ANO2: variants seen among roughly 807,000 people sequenced by gnomAD.
The protein encoded by ANO2 is anoctamin 2, also known as anoctamin-2.
Under a neutral mutation model 124.2 loss-of-function variants are expected in ANO2, and 101 were observed. The observed-to-expected ratio is 0.81, with a 90% CI of 0.69 to 0.96. ANO2 has a LOEUF of 0.96. Among genes scored for constraint, ANO2 ranks in the 40% least tolerant of loss-of-function variants. ANO2 has a pLI of 0.00. For missense variants in ANO2, 1,293 were observed against 1,274.5 expected (o/e 1.01, Z -0.22); for synonymous variants, 486 against 482.5 (o/e 1.01, Z -0.09).
intron 4 of ANO2, among the ~76,000 whole-genome samples, chr12:5,850,648 C>G (rs1177259138): frequency 6.6e-6 from 1 of 152,128 alleles, no homozygotes; most frequent in Non-Finnish European, 1.5e-5. Context: ...CTACTTGACA[C>G]AGTATCCCAT....
At chr12:5,944,973 A>G (rs892644247) in intron 1 of ANO2, among the ~76,000 whole-genome samples, 11 of 151,816 alleles carry the variant, frequency 7.2e-5, no homozygotes, top group African/African-American at 2.7e-4. Context: ...TGAGTTAAAA[A>G]AAAAACAAAA....
intron 15 of ANO2, among the ~76,000 whole-genome samples, chr12:5,637,977 G>A (rs562544069): frequency 6.6e-6 from 1 of 152,294 alleles, no homozygotes; most frequent in Non-Finnish European, 1.5e-5. Context: ...TCCACAAGGT[G>A]TGGACTACAA....
intron 3 of ANO2, among the ~76,000 whole-genome samples, chr12:5,877,886 G>A (rs528305534): frequency 1.1e-4 from 16 of 152,360 alleles, no homozygotes; most frequent in Admixed American, 3.9e-4. Context: ...TCTGACAGGA[G>A]GTGGAGCTCA....
intron 19 of ANO2, among the ~76,000 whole-genome samples, chr12:5,610,244 T>C (rs1219445098): frequency 7.9e-6 from 1 of 127,112 alleles, no homozygotes; most frequent in African/African-American, 3.1e-5. Flanking sequence ...AATATATAAA[T>C]GCATATATTT....
At chr12:5,603,067 A>T (rs937997411) in intron 19 of ANO2, among the ~76,000 whole-genome samples, 8 of 152,222 alleles carry the variant, frequency 5.3e-5, no homozygotes, top group African/African-American at 1.9e-4. Context: ...TAAAGCAAGG[A>T]AGAAAACATA....
intron 23 of ANO2, among the ~76,000 whole-genome samples, chr12:5,566,315 A>C (rs1016950607): frequency 6.6e-6 from 1 of 152,196 alleles, no homozygotes; most frequent in Admixed American, 6.5e-5. Flanking sequence ...TGCATGGTTT[A>C]AACTACAAAA....
At chr12:5,826,549 C>T (rs1953962756) in intron 7 of ANO2, among the ~76,000 whole-genome samples, 1 of 151,866 alleles carries the variant, frequency 6.6e-6, no homozygotes, top group Non-Finnish European at 1.5e-5. Context: ...AGCCTCGCCT[C>T]ATCAGCACCG....
chr12:5,776,613 G>A (rs577193933), intron 10 of ANO2, among the ~76,000 whole-genome samples: 86 of 152,306 alleles, frequency 5.6e-4, no homozygotes, highest in African/African-American at 1.6e-3. Context: ...ATTCAGGGAC[G>A]GTACCAGTTT....
At chr12:5,798,317 C>T (rs1030746976) in intron 10 of ANO2, among the ~76,000 whole-genome samples, 1 of 152,132 alleles carries the variant, frequency 6.6e-6, no homozygotes, top group Admixed American at 6.5e-5. Flanking sequence ...CGGTCCTCAG[C>T]TGGAACAAAC....
At chr12:5,733,253 CAA>C (rs1265375711) in intron 13 of ANO2, 2 of 346,744 alleles carry the variant, frequency 5.8e-6, no homozygotes, top group African/African-American at 4.2e-5. Flanking sequence ...CAGCAATGCT[CAA>C]GAGACCTCAC....
chr12:5,874,781 C>A (rs1483388397), intron 3 of ANO2, among the ~76,000 whole-genome samples: 1 of 152,328 alleles, frequency 6.6e-6, no homozygotes, highest in East Asian at 1.9e-4. Context: ...GGATTAGAGT[C>A]CACGTCTTTT....
At chr12:5,575,420 C>A (rs922768574) in intron 23 of ANO2, among the ~76,000 whole-genome samples, 3 of 152,116 alleles carry the variant, frequency 2.0e-5, no homozygotes, top group Non-Finnish European at 4.4e-5. Context: ...GATGTACAGT[C>A]GTGTGTTGCT....
intron 7 of ANO2, among the ~76,000 whole-genome samples, chr12:5,810,521 A>G (rs567322307): frequency 1.6e-4 from 25 of 152,148 alleles, no homozygotes; most frequent in African/African-American, 2.4e-4. Flanking sequence ...TCAGGATTGC[A>G]TCTATATTCT....
In ANO2 at chr12:5,921,020, T is replaced by C. The variant is rs1193108409; in HGVS notation, c.534+20A>G. 6.3e-7 allele frequency: 1 copy of C among 1,591,804 alleles called. No individual in the cohort carries two copies. The highest frequency in any genetic ancestry group is 8.6e-7 in the Non-Finnish European group (1 of 1,165,388). Reference sequence around the variant, plus strand: ...TGGTGCCATTCCATCTCCAAGTCCCTGGCCACCCGCCTGACTCACCTCCAA... The same window carrying C: ...TGGTGCCATTCCATCTCCAAGTCCCCGGCCACCCGCCTGACTCACCTCCAA... On this transcript the variant is annotated intron_variant, in intron 3 of 24. Transcript: ENST00000682330.
chr12:5,732,860 C>A, intron 13 of ANO2: 1 of 1,613,988 alleles, frequency 6.2e-7, no homozygotes, highest in South Asian at 1.1e-5. Context: ...ACACTGAAAA[C>A]CAAACCTGGG....
chr12:5,582,095 A>G (rs1001958362), intron 20 of ANO2, among the ~76,000 whole-genome samples: 2 of 152,242 alleles, frequency 1.3e-5, no homozygotes, highest in Non-Finnish European at 2.9e-5. Flanking sequence ...GCCAACACCA[A>G]GATTTGTTTC....
intron 14 of ANO2, among the ~76,000 whole-genome samples, chr12:5,717,486 C>T (rs189755225): frequency 1.8e-4 from 27 of 152,322 alleles, no homozygotes; most frequent in African/African-American, 5.8e-4. Flanking sequence ...AGTTAAATTA[C>T]AGATCACCTC....
chr12:5,906,783 G>C (rs1398528342), intron 3 of ANO2, among the ~76,000 whole-genome samples: 3 of 150,730 alleles, frequency 2.0e-5, no homozygotes, highest in Non-Finnish European at 4.4e-5. Context: ...GACAGAGTGA[G>C]ACTCTGTCTC....
intron 10 of ANO2, among the ~76,000 whole-genome samples, chr12:5,764,352 T>C (rs547784310): frequency 3.9e-5 from 6 of 152,308 alleles, no homozygotes; most frequent in African/African-American, 1.4e-4. Flanking sequence ...CCAAGCTGTG[T>C]TCTAAGGAAA....
Sources: gnomAD v4.1 joint callset for allele counts (sites outside exome capture counted in the v4.1 genomes callset) on GRCh38, gnomAD v4.1.1 for gene constraint, MANE v1.5 for transcripts, NCBI Gene and HGNC (gene_info 2026-07-23, HGNC 2026-07-21) for gene names.